GFRAL: variants seen among roughly 807,000 people sequenced by gnomAD.
GFRAL encodes GDNF family receptor alpha like.
A neutral mutation model predicts 45.4 loss-of-function variants in GFRAL; 36 were observed. The observed-to-expected ratio is 0.79, with a 90% confidence interval of 0.61 to 1.05. The LOEUF (loss-of-function observed/expected upper bound fraction) is 1.05, where lower values mean the gene tolerates loss of function less well. Among genes scored for constraint, GFRAL ranks in the 50% least tolerant of loss-of-function variants. The pLI, the probability that GFRAL is intolerant of heterozygous loss-of-function variation, is 0.00. For synonymous variants in GFRAL, 166 were observed against 154.1 expected, an observed-to-expected ratio of 1.08 and a Z score of -0.57; for missense variants, 507 against 467.5, an observed-to-expected ratio of 1.08 and a Z score of -0.78.
chr6:55,378,970 G>T (rs1178486765), intron 6 of GFRAL, among the ~76,000 whole-genome samples: 3 of 151,924 alleles, frequency 2.0e-5, no homozygotes, highest in African/African-American at 7.3e-5. Flanking sequence ...ATTTCAAATG[G>T]CAAGGAGTAT....
chr6:55,389,884 A>G (rs1768725628), intron 6 of GFRAL, among the ~76,000 whole-genome samples: 2 of 152,260 alleles, frequency 1.3e-5, no homozygotes, highest in Admixed American at 1.3e-4. Flanking sequence ...AATAAAAGGA[A>G]TGTGGCCCTG....
intron 3 of GFRAL, among the ~76,000 whole-genome samples, chr6:55,338,515 A>G (rs1767919911): frequency 6.6e-6 from 1 of 152,202 alleles, no homozygotes; most frequent in Non-Finnish European, 1.5e-5. Flanking sequence ...CTTAATTAAA[A>G]TAATAATTGC....
At chr6:55,354,250 C>T (rs1562053912) in intron 5 of GFRAL, among the ~76,000 whole-genome samples, 2 of 151,954 alleles carry the variant, frequency 1.3e-5, no homozygotes, top group Admixed American at 6.6e-5. Flanking sequence ...TTACACTAAC[C>T]TCCCCTTGGT....
At chr6:55,344,870 A>C (rs569456905) in intron 3 of GFRAL, among the ~76,000 whole-genome samples, 2 of 152,324 alleles carry the variant, frequency 1.3e-5, no homozygotes, top group South Asian at 4.1e-4. Context: ...AATGTGCAAA[A>C]ATCACAAGCA....
In GFRAL at chr6:55,333,513, T is replaced by C. The variant is rs1767855713; in HGVS notation, c.158-273T>C. On this transcript the variant is annotated intron_variant, in intron 2 of 8. Transcript: ENST00000340465. ...GTCACCTCCTGTAAGAGTAGCCTTATTTTTACTGAAAAGCAAGAAATGATA... is the reference window on the plus strand; with the variant it reads ...GTCACCTCCTGTAAGAGTAGCCTTACTTTTACTGAAAAGCAAGAAATGATA... 2.0e-5 allele frequency among the ~76,000 whole-genome samples: 3 copies of C among 152,274 alleles called. No individual in the cohort carries two copies. In the East Asian group the frequency reaches 5.8e-4, roughly 29 times the overall value.
intron 6 of GFRAL, among the ~76,000 whole-genome samples, chr6:55,361,639 A>T (rs1700478500): frequency 6.6e-6 from 1 of 151,978 alleles, no homozygotes; most frequent in South Asian, 2.1e-4. Context: ...TCCAAACAAA[A>T]CCAGAAACCA....
chr6:55,377,815 A>G (rs1005819365), intron 6 of GFRAL, among the ~76,000 whole-genome samples: 1 of 152,104 alleles, frequency 6.6e-6, no homozygotes, highest in Non-Finnish European at 1.5e-5. Context: ...GCCAGTACAT[A>G]TAACAGAGAA....
Position 55,359,066 on chromosome 6 carries a change from A to C in GFRAL, c.880A>C (p.Arg294=). 1 of 1,612,858 alleles carries C rather than the reference A, an allele frequency of 6.2e-7. No homozygotes were observed. The highest frequency in any genetic ancestry group is 8.5e-7 in the Non-Finnish European group (1 of 1,179,186). ...GGTCCTTCAAGTGCAATGTACCTGT[A>C]GGACCATTACACAAAGTGAGGAATC... The part of the protein sequence containing the change: ...GTVLQVQCTC[R]TITQSEESLC... Residue 294 remains arginine, a synonymous_variant, in exon 6 of 9, where the codon AGG becomes CGG. Transcript: ENST00000340465.
At chr6:55,342,621 A>G (rs913825516) in intron 3 of GFRAL, among the ~76,000 whole-genome samples, 8 of 152,058 alleles carry the variant, frequency 5.3e-5, no homozygotes, top group African/African-American at 1.7e-4. Context: ...GCATCAACCA[A>G]CGAGCAAAAT....
intron 6 of GFRAL, among the ~76,000 whole-genome samples, chr6:55,391,694 GA>G (rs147525358): frequency 0.051 from 7,735 of 152,234 alleles, 323 homozygotes; most frequent in African/African-American, 0.098. Flanking sequence ...AAGTTGCAGT[GA>G]AGTATGATTG....
At chr6:55,355,951 A>T (rs1332331195) in intron 5 of GFRAL, among the ~76,000 whole-genome samples, 1 of 151,986 alleles carries the variant, frequency 6.6e-6, no homozygotes, top group Non-Finnish European at 1.5e-5. Flanking sequence ...AGAGAACTTT[A>T]GCAAATGCTT....
Position 55,390,664 on chromosome 6 carries a change from C to T in GFRAL, c.953-8516C>T, listed in dbSNP as rs145012742. Among the ~76,000 whole-genome samples, 1,127 of 151,944 alleles carry T rather than the reference C, an allele frequency of 7.4e-3. 14 individuals are homozygous for T. The highest frequency in any genetic ancestry group is 0.025 in the African/African-American group (1,057 of 41,466). On this transcript the variant is annotated intron_variant, in intron 6 of 8. Transcript: ENST00000340465. ...CAGCACTTTGGGAGACCAAGGCGGG[C>T]GGATCACGAGGTCAGCAGTTTGAGA...
At chr6:55,375,474 G>A (rs1241994865) in intron 6 of GFRAL, among the ~76,000 whole-genome samples, 1 of 152,084 alleles carries the variant, frequency 6.6e-6, no homozygotes, top group Non-Finnish European at 1.5e-5. Context: ...CATTGATTTT[G>A]TATCCTGAGA....
chr6:55,382,546 A>G (rs1445900881), intron 6 of GFRAL, among the ~76,000 whole-genome samples: 4 of 151,934 alleles, frequency 2.6e-5, no homozygotes, highest in African/African-American at 9.7e-5. Context: ...AATTTAAAAT[A>G]TAAATAGTGC....
At chr6:55,390,576 A>C (rs951233203) in intron 6 of GFRAL, among the ~76,000 whole-genome samples, 1 of 152,116 alleles carries the variant, frequency 6.6e-6, no homozygotes, top group Admixed American at 6.6e-5. Flanking sequence ...TGGAGTAGTA[A>C]ATATTGACCT....
chr6:55,384,801 C>G (rs533605337), intron 6 of GFRAL, among the ~76,000 whole-genome samples: 1 of 150,572 alleles, frequency 6.6e-6, no homozygotes, highest in African/African-American at 2.4e-5. Flanking sequence ...ATCAGAACTT[C>G]GCAAATAGGA....
chr6:55,345,656 A>T (rs1473956011), intron 3 of GFRAL, among the ~76,000 whole-genome samples: 1 of 152,196 alleles, frequency 6.6e-6, no homozygotes, highest in Non-Finnish European at 1.5e-5. Flanking sequence ...TGTCTAAAAT[A>T]CCAAAAACAA....
At chr6:55,361,876 T>A (rs1245508702) in intron 6 of GFRAL, among the ~76,000 whole-genome samples, 1 of 152,044 alleles carries the variant, frequency 6.6e-6, no homozygotes, top group Non-Finnish European at 1.5e-5. Context: ...TGAGTGGAAC[T>A]GAGAGGACTG....
chr6:55,383,297 C>T (rs186700435), intron 6 of GFRAL, among the ~76,000 whole-genome samples: 31 of 152,044 alleles, frequency 2.0e-4, no homozygotes, highest in Admixed American at 1.9e-3. Context: ...TCAACAATTT[C>T]TTGAGGACAT....
Sources: gnomAD v4.1 joint callset for allele counts (sites outside exome capture counted in the v4.1 genomes callset) on GRCh38, gnomAD v4.1.1 for gene constraint, MANE v1.5 for transcripts, NCBI Gene and HGNC (gene_info 2026-07-23, HGNC 2026-07-21) for gene names.